Variants in RAB6B observed in about 807,000 individuals in gnomAD.
The protein encoded by RAB6B is RAB6B, member RAS oncogene family.
Under a neutral mutation model 31.2 loss-of-function variants are expected in RAB6B, and 7 were observed. The observed-to-expected ratio is 0.22, with a 90% CI of 0.13 to 0.42. The LOEUF (loss-of-function observed/expected upper bound fraction) is 0.42. Ranked by LOEUF, RAB6B falls within the 10% of genes least tolerant of loss-of-function variation. The pLI is 1.00. For missense variants in RAB6B, 149 were observed against 280.6 expected (o/e 0.53, Z 3.35); for synonymous variants, 105 against 104.9 (o/e 1.00, Z -0.01).
In RAB6B at chr3:133,838,246, C is replaced by T. The variant is rs1935771028; in HGVS notation, c.415G>A (p.Glu139Lys). The change falls in exon 6 of 8, where the codon GAG (glutamate) becomes AAG (lysine). Residue 139 changes from glutamate to lysine, a missense_variant. By Grantham distance (56) the Glu-to-Lys change is moderately conservative. Transcript: ENST00000285208. Reference sequence around the variant, plus strand: ...TCTTTGGCGCGCTGCTCCCCCTCCTCGATGGTTATCTGCCTAGAGATGAGG... The same window carrying T: ...TCTTTGGCGCGCTGCTCCCCCTCCTTGATGGTTATCTGCCTAGAGATGAGG... ...DLADKRQITIEEGEQRAKELS... is the reference protein window; with the variant it reads ...DLADKRQITIKEGEQRAKELS... 9 of 1,614,010 alleles carry T rather than the reference C, an allele frequency of 5.6e-6. No homozygotes were observed. Among genetic ancestry groups the T allele is most frequent in the Non-Finnish European group, 5.9e-6 (7 of 1,179,882 alleles).
At chr3:133,843,320 A>G (rs1935863781) in intron 2 of RAB6B, among the ~76,000 whole-genome samples, 1 of 152,250 alleles carries the variant, frequency 6.6e-6, no homozygotes, top group Non-Finnish European at 1.5e-5. Flanking sequence ...CAAACTTGGC[A>G]GCACCTGGGC....
intron 2 of RAB6B, among the ~76,000 whole-genome samples, chr3:133,864,066 G>C (rs1275722022): frequency 1.3e-5 from 2 of 151,812 alleles, no homozygotes; most frequent in African/African-American, 4.8e-5. Context: ...CCCATGTAGG[G>C]CAGGGCAAGC....
intron 2 of RAB6B, among the ~76,000 whole-genome samples, chr3:133,857,271 G>C: frequency 6.6e-6 from 1 of 151,994 alleles, no homozygotes; most frequent in African/African-American, 2.4e-5. Context: ...CAAAGTTTAA[G>C]GCCACTGGTT....
intron 1 of RAB6B, among the ~76,000 whole-genome samples, chr3:133,870,990 T>C (rs1936315612): frequency 6.6e-6 from 1 of 152,206 alleles, no homozygotes; most frequent in Non-Finnish European, 1.5e-5. Flanking sequence ...ACAGGGGCCA[T>C]TCACTCCACC....
At chr3:133,830,667 T>C (rs144429097) in intron 7 of RAB6B, among the ~76,000 whole-genome samples, 10 of 152,198 alleles carry the variant, frequency 6.6e-5, no homozygotes, top group Admixed American at 1.3e-4. Flanking sequence ...CCTCGTGCAG[T>C]GGGGAGTAAA....
chr3:133,872,789 T>C (rs896657273), intron 1 of RAB6B, among the ~76,000 whole-genome samples: 1 of 152,246 alleles, frequency 6.6e-6, no homozygotes, highest in African/African-American at 2.4e-5. Flanking sequence ...TTAAGAAATA[T>C]GCAAAGCTCT....
Position 133,864,648 on chromosome 3 carries a change from AAACAAC to A in RAB6B, c.71-12_71-7del, listed in dbSNP as rs1183978078. Reference sequence around the variant, plus strand: ...AATCAGAGACGTCTTCCCGACTGCAAAACAACAAGGAGAGAGGTGTTCAGTCATGGC... The same window carrying A: ...AATCAGAGACGTCTTCCCGACTGCAAAAGGAGAGAGGTGTTCAGTCATGGC... On this transcript the variant is annotated splice_region_variant and splice_polypyrimidine_tract_variant and intron_variant, in intron 1 of 7. Coordinates refer to ENST00000285208, the MANE Select transcript of RAB6B (RefSeq NM_016577.4). The A allele has an allele frequency of 6.2e-7, 1 of 1,613,744 alleles. No homozygotes were observed. Among genetic ancestry groups the A allele is most frequent in the Non-Finnish European group, 8.5e-7 (1 of 1,179,554 alleles).
At position 133,895,528 on chromosome 3, in the gene RAB6B, G is replaced by T; in HGVS notation, c.-62C>A. On this transcript the variant is annotated 5_prime_UTR_variant, in exon 1 of 8. Transcript: ENST00000285208. ...AAAAAGCGAAGGAGCAGGGAGGGGA[G>T]AGTAGGAGGGCGAGGGGAGGCGGCC... 1 of 1,558,768 alleles carries T rather than the reference G, an allele frequency of 6.4e-7. No individual in the cohort carries two copies. The highest frequency in any genetic ancestry group is 8.8e-7 in the Non-Finnish European group (1 of 1,135,650).
intron 1 of RAB6B, among the ~76,000 whole-genome samples, chr3:133,893,268 G>A (rs1386228572): frequency 6.6e-6 from 1 of 152,208 alleles, no homozygotes; most frequent in Non-Finnish European, 1.5e-5. Flanking sequence ...TGACACGCTA[G>A]TGAAAAATAT....
At chr3:133,846,670 A>G (rs1178630129) in intron 2 of RAB6B, among the ~76,000 whole-genome samples, 1 of 152,206 alleles carries the variant, frequency 6.6e-6, no homozygotes, top group African/African-American at 2.4e-5. Context: ...GTAGAGAGAA[A>G]ACCGTAATAG....
chr3:133,834,342 C>T (rs963433660), intron 7 of RAB6B, among the ~76,000 whole-genome samples: 3 of 152,168 alleles, frequency 2.0e-5, no homozygotes, highest in East Asian at 3.9e-4. Flanking sequence ...TGTGCACACC[C>T]CTTTGGTATC....
rs759175694 is a variant in RAB6B at position 133,834,631 on chromosome 3, C to T, written c.506G>A (p.Arg169His). 28 of 1,614,008 alleles carry T rather than the reference C, an allele frequency of 1.7e-5. No homozygotes were observed. The highest frequency in any genetic ancestry group is 2.2e-5 in the Non-Finnish European group (26 of 1,179,984). ...CATTCCGGGTAGAGCCGACGCCACA[C>T]GTCGAAAAAGCTGGAAAGATGAAGA... ...TGYNVKQLFR[R>H]VASALPGMEN... is the part of the protein sequence containing the mutation. Residue 169 changes from arginine (R) to histidine (H), a missense_variant, in exon 7 of 8, where the codon CGT becomes CAT. Coordinates refer to ENST00000285208, the MANE Select transcript of RAB6B (RefSeq NM_016577.4).
In RAB6B at chr3:133,859,956, C is replaced by T. The variant is rs566646758; in HGVS notation, c.129+4628G>A. On this transcript the variant is annotated intron_variant, in intron 2 of 7. Transcript: ENST00000285208. ...CTTGTGAGAATAAAAAGACATGTGG[C>T]CAAGAAAGGATCCCGGGGGAAATGG... Among the ~76,000 whole-genome samples, 3 of 152,282 alleles carry T rather than the reference C, an allele frequency of 2.0e-5. No individual in the cohort carries two copies. In the South Asian group the frequency reaches 6.2e-4, roughly 32 times the overall value.
intron 1 of RAB6B, among the ~76,000 whole-genome samples, chr3:133,882,455 A>G (rs181935772): frequency 1.3e-5 from 2 of 152,258 alleles, no homozygotes; most frequent in Non-Finnish European, 2.9e-5. Context: ...ACACCATCTC[A>G]CAGTCAGGTT....
intron 2 of RAB6B, among the ~76,000 whole-genome samples, chr3:133,861,115 G>A (rs1001994613): frequency 6.6e-6 from 1 of 152,254 alleles, no homozygotes; most frequent in African/African-American, 2.4e-5. Flanking sequence ...GACCAGGCCT[G>A]CAGAAGGGGA....
Position 133,895,483 on chromosome 3 carries a change from G to A in RAB6B, c.-17C>T, listed in dbSNP as rs200196134. 3.8e-5 allele frequency: 62 copies of A among 1,611,226 alleles called. No individual in the cohort carries two copies. In the East Asian group the frequency reaches 1.3e-3, roughly 34 times the overall value. Reference sequence around the variant, plus strand: ...TGCGGACATGGTGCTGGCAGCCGGGGCCGGGAGAGGAGGAGGAGGAAAAAG... The same window carrying A: ...TGCGGACATGGTGCTGGCAGCCGGGACCGGGAGAGGAGGAGGAGGAAAAAG... On this transcript the variant is annotated 5_prime_UTR_variant, in exon 1 of 8. Coordinates refer to ENST00000285208, the MANE Select transcript of RAB6B (RefSeq NM_016577.4).
chr3:133,841,614 C>T lies in RAB6B; in HGVS notation c.179G>A (p.Arg60His), dbSNP rs770015097. The T allele has an allele frequency of 6.8e-6, 11 of 1,613,534 alleles. No individual in the cohort carries two copies. The highest frequency in any genetic ancestry group is 1.1e-5 in the South Asian group (1 of 91,006). ...GTCCTGATATTAGGTGCTCACCGTGCGGTCCTCCAAGTACATGGTTTTTGA... is the reference window on the plus strand; with the variant it reads ...GTCCTGATATTAGGTGCTCACCGTGTGGTCCTCCAAGTACATGGTTTTTGA... ...FLSKTMYLEDRTVRLQLWDTA... is the reference protein window; with the variant it reads ...FLSKTMYLEDHTVRLQLWDTA... Residue 60 changes from arginine (R) to histidine (H), a missense_variant, in exon 3 of 8, where the codon CGC becomes CAC. Physicochemically the swap from Arg to His is conservative, Grantham distance 29. Transcript: ENST00000285208.
chr3:133,893,341 G>A (rs545509347), intron 1 of RAB6B, among the ~76,000 whole-genome samples: 1 of 152,326 alleles, frequency 6.6e-6, no homozygotes, highest in Admixed American at 6.5e-5. Flanking sequence ...ATGGGACTCT[G>A]GGACTCCAGG....
At chr3:133,884,664 T>C (rs1275441713) in intron 1 of RAB6B, among the ~76,000 whole-genome samples, 1 of 152,080 alleles carries the variant, frequency 6.6e-6, no homozygotes, top group Admixed American at 6.5e-5. Flanking sequence ...GGGGGCCTCA[T>C]ATAACTAATG....
Sources: gnomAD v4.1 joint callset for allele counts (sites outside exome capture counted in the v4.1 genomes callset) on GRCh38, gnomAD v4.1.1 for gene constraint, MANE v1.5 for transcripts, NCBI Gene and HGNC (gene_info 2026-07-23, HGNC 2026-07-21) for gene names.